Variants in ZNF131 observed in about 807,000 individuals in gnomAD.
ZNF131 encodes zinc finger and BTB domain containing 35.
Under a neutral mutation model 60.0 loss-of-function variants are expected in ZNF131, and 7 were observed. The ratio of observed to expected loss-of-function variants is 0.12; its 90% confidence interval spans 0.07 to 0.22. The LOEUF is 0.22. Ranked by LOEUF, ZNF131 falls within the 10% of genes least tolerant of loss-of-function variation. ZNF131 has a pLI of 1.00. For missense variants in ZNF131, 493 were observed against 740.9 expected, an observed-to-expected ratio of 0.67 and a Z score of 3.88; for synonymous variants, 257 against 253.2, an observed-to-expected ratio of 1.01 and a Z score of -0.14.
Position 43,139,323 on chromosome 5 carries a change from T to A in ZNF131, c.371+14T>A. ...CCTTGAAGTCAGGTACTTAATTTCT[T>A]TAATGGGGTTCAGATAGTCATATTC... is the stretch of plus-strand genomic sequence containing the variant. On this transcript the variant is annotated intron_variant, in intron 4 of 6. Coordinates refer to ENST00000682664, the MANE Select transcript of ZNF131 (RefSeq NM_001330707.2). The A allele has an allele frequency of 6.3e-7, 1 of 1,597,202 alleles. No homozygotes were observed. Among genetic ancestry groups the A allele is most frequent in the South Asian group, 1.1e-5 (1 of 87,468 alleles).
At position 43,170,155 on chromosome 5, in the gene ZNF131, A is replaced by G. The variant is rs1424929799; in HGVS notation, c.1055-3163A>G. On this transcript the variant is annotated intron_variant, in intron 5 of 6. Transcript: ENST00000682664. Reference sequence around the variant, plus strand: ...TCTCACTGATAATGAAAAATTATTCATTGATAAAACCACTAAACCATTTAG... The same window carrying G: ...TCTCACTGATAATGAAAAATTATTCGTTGATAAAACCACTAAACCATTTAG... 4.0e-5 allele frequency among the ~76,000 whole-genome samples: 6 copies of G among 150,692 alleles called. No individual in the cohort carries two copies. In the South Asian group the frequency reaches 6.3e-4, roughly 16 times the overall value.
intron 3 of ZNF131, among the ~76,000 whole-genome samples, chr5:43,135,809 A>G (rs1746009305): frequency 6.6e-6 from 1 of 151,528 alleles, no homozygotes; most frequent in Admixed American, 6.6e-5. Context: ...CAGATTGAGC[A>G]TCTCAAATTT....
intron 1 of ZNF131, 141 bp from the exon 2 acceptor site, chr5:43,121,898 C>CCCTCGCCTTTCTCT (rs1418974471): frequency 2.1e-6 from 2 of 950,082 alleles, no homozygotes; most frequent in Middle Eastern, 3.5e-4. Flanking sequence ...CGCCTTTCTT[C>CCCTCGCCTTTCTCT]CCTCGCCTTT....
intron 3 of ZNF131, among the ~76,000 whole-genome samples, chr5:43,128,186 G>A (rs907548167): frequency 2.0e-5 from 3 of 152,182 alleles, no homozygotes; most frequent in African/African-American, 7.2e-5. Flanking sequence ...CTGTTATGAA[G>A]GGAGTAAGGG....
At chr5:43,145,013 A>G (rs1208358835) in intron 4 of ZNF131, among the ~76,000 whole-genome samples, 3 of 152,108 alleles carry the variant, frequency 2.0e-5, no homozygotes, top group East Asian at 3.9e-4. Context: ...TTACAACAAT[A>G]ATCATATTAG....
chr5:43,126,899 C>G, intron 3 of ZNF131, among the ~76,000 whole-genome samples: 1 of 152,084 alleles, frequency 6.6e-6, no homozygotes, highest in East Asian at 1.9e-4. Context: ...TTCTAGTTCT[C>G]TAGCCAGAAG....
intron 3 of ZNF131, among the ~76,000 whole-genome samples, chr5:43,136,349 A>G (rs979394612): frequency 1.2e-4 from 19 of 152,162 alleles, no homozygotes; most frequent in Non-Finnish European, 2.5e-4. Context: ...GTCCCTCTCA[A>G]AATCCTGATG....
In ZNF131 at chr5:43,171,817, G is replaced by A. The variant is rs531292616; in HGVS notation, c.1055-1501G>A. Among the ~76,000 whole-genome samples, 34 of 152,010 alleles carry A rather than the reference G, an allele frequency of 2.2e-4. No individual in the cohort carries two copies. In the East Asian group the frequency reaches 4.5e-3, roughly 20 times the overall value. On this transcript the variant is annotated intron_variant, in intron 5 of 6. Coordinates refer to ENST00000682664, the MANE Select transcript of ZNF131 (RefSeq NM_001330707.2). ...GTATTTTTGGTAGAGTCGGAGATTCGCAGTGTTGGCCAGGCTGGTCTTGAA... is the reference window on the plus strand; with the variant it reads ...GTATTTTTGGTAGAGTCGGAGATTCACAGTGTTGGCCAGGCTGGTCTTGAA...
At chr5:43,143,478 T>C in intron 4 of ZNF131, 1 of 1,247,540 alleles carries the variant, frequency 8.0e-7, no homozygotes, top group Non-Finnish European at 1.1e-6. Context: ...TGAAGTTTCT[T>C]AATTTCCTAT....
chr5:43,161,946 C>T lies in ZNF131; in HGVS notation c.1054+15C>T, dbSNP rs758030056. The T allele has an allele frequency of 5.8e-6, 9 of 1,545,024 alleles. No individual in the cohort carries two copies. The highest frequency in any genetic ancestry group is 2.2e-5 in the Admixed American group (1 of 45,628). ...AAAACATACAGGTAATGAGCAAATACTTTGTTAAAATTTTTTTTTCCCACA... is the reference window on the plus strand; with the variant it reads ...AAAACATACAGGTAATGAGCAAATATTTTGTTAAAATTTTTTTTTCCCACA... On this transcript the variant is annotated intron_variant, in intron 5 of 6. Coordinates refer to ENST00000682664, the MANE Select transcript of ZNF131 (RefSeq NM_001330707.2).
rs537609277 is a variant in ZNF131, at chr5:43,174,920, G to A, written c.1659G>A (p.Val553=). The A allele has an allele frequency of 1.9e-6, 3 of 1,614,124 alleles. No homozygotes were observed. Among genetic ancestry groups the A allele is most frequent in the Admixed American group, 1.7e-5 (1 of 60,000 alleles). The change falls in exon 7 of 7, where the codon GTG becomes GTA. Residue 553 remains valine (V), a synonymous_variant. Coordinates refer to ENST00000682664, the MANE Select transcript of ZNF131 (RefSeq NM_001330707.2). The part of the protein sequence containing the change: ...LHVERVNQMP[V]EVQTELLEAD... ...TTGAACGGGTCAATCAAATGCCAGT[G>A]GAAGTACAAACTGAACTTCTAGAAG...
chr5:43,127,188 C>T (rs1256807039), intron 3 of ZNF131, among the ~76,000 whole-genome samples: 3 of 152,072 alleles, frequency 2.0e-5, no homozygotes, highest in Admixed American at 6.6e-5. Flanking sequence ...GGGACCCCGT[C>T]CCCCACTCGT....
At position 43,167,860 on chromosome 5, in the gene ZNF131, T is replaced by C. The variant is rs768014843; in HGVS notation, c.1055-5458T>C. Reference sequence around the variant, plus strand: ...GGAAGAGACAAAGGTGATATCTTAGTCTGTTCTGTTGCTTATAACAATACC... The same window carrying C: ...GGAAGAGACAAAGGTGATATCTTAGCCTGTTCTGTTGCTTATAACAATACC... On this transcript the variant is annotated intron_variant, in intron 5 of 6. Coordinates refer to ENST00000682664, the MANE Select transcript of ZNF131 (RefSeq NM_001330707.2). 1.0e-5 allele frequency: 4 copies of C among 391,284 alleles called. 1 individual carries two copies. The highest frequency in any genetic ancestry group is 7.8e-5 in the South Asian group (4 of 51,394). The allele number at this position is 391,284 out of a possible 1,614,324, so 24.2% of individuals were successfully genotyped here.
chr5:43,122,246 CTTTTTTTTT>C (rs35497367), intron 2 of ZNF131, 69 bp downstream of exon 2: 19 of 1,032,106 alleles, frequency 1.8e-5, no homozygotes, highest in Admixed American at 9.4e-5. Context: ...GGACACCCGC[CTTTTTTTTT>C]TTTTTTTTTT....
chr5:43,127,097 T>C (rs1744650959), intron 3 of ZNF131, among the ~76,000 whole-genome samples: 1 of 152,132 alleles, frequency 6.6e-6, no homozygotes, highest in Non-Finnish European at 1.5e-5. Context: ...ATATTTGCTT[T>C]ATGTATTCTT....
chr5:43,153,165 A>G (rs1325258563), intron 4 of ZNF131, among the ~76,000 whole-genome samples: 4 of 152,168 alleles, frequency 2.6e-5, no homozygotes, highest in African/African-American at 9.7e-5. Flanking sequence ...AATTCAATCA[A>G]GTGGTCAGTA....
Position 43,175,186 on chromosome 5 carries a change from A to G in ZNF131, c.*53A>G. 6.6e-7 allele frequency: 1 copy of G among 1,504,498 alleles called. No homozygotes were observed. Among genetic ancestry groups the G allele is most frequent in the African/African-American group, 1.4e-5 (1 of 71,366 alleles). The allele number at this position is 1,504,498 out of a possible 1,614,324, so 93.2% of individuals were successfully genotyped here. On this transcript the variant is annotated 3_prime_UTR_variant, in exon 7 of 7. Transcript: ENST00000682664. ...TACTTGTTGGGTTTTTGAACTGATT[A>G]TGGGCAGTTTGACTGTCCTTAATTA...
rs1400066362 is a variant in ZNF131 at position 43,161,435 on chromosome 5, A to G, written c.558A>G (p.Thr186=). ...AAGTGGAAGATGAAGGCATCGAAAC[A>G]TTAGAGGAAGTGGCTTCTGCCAAGC... ...TIEVEDEGIE[T]LEEVASAKQS... is the part of the protein sequence containing the mutation. Residue 186 remains threonine (T), a synonymous_variant, in exon 5 of 7, where the codon ACA becomes ACG. Coordinates refer to ENST00000682664, the MANE Select transcript of ZNF131 (RefSeq NM_001330707.2). The G allele has an allele frequency of 6.2e-7, 1 of 1,614,254 alleles. No homozygotes were observed. The highest frequency in any genetic ancestry group is 1.1e-5 in the South Asian group (1 of 91,078).
At position 43,175,407 on chromosome 5, in the gene ZNF131, A is replaced by G. The variant is rs1228628965; in HGVS notation, c.*274A>G. ...ATTCTTATTATATAGTTGGGTACGAATGTATCTATTTTCATTGTGGTAAAA... is the reference window on the plus strand; with the variant it reads ...ATTCTTATTATATAGTTGGGTACGAGTGTATCTATTTTCATTGTGGTAAAA... On this transcript the variant is annotated 3_prime_UTR_variant, in exon 7 of 7. Coordinates refer to ENST00000682664, the MANE Select transcript of ZNF131 (RefSeq NM_001330707.2). 5.8e-6 allele frequency: 4 copies of G among 694,876 alleles called. No homozygotes were observed. In the South Asian group the frequency reaches 6.1e-5, roughly 11 times the overall value. The allele number at this position is 694,876 out of a possible 1,614,324, so 43.0% of individuals were successfully genotyped here.
Sources: allele counts gnomAD v4.1 joint callset (sites outside exome capture counted in the v4.1 genomes callset), GRCh38; gene constraint gnomAD v4.1.1; transcripts MANE v1.5; gene names NCBI Gene and HGNC (gene_info 2026-07-23, HGNC 2026-07-21).